Variants in RIPK3 observed in about 807,000 individuals in gnomAD.
RIPK3 encodes the protein receptor interacting serine/threonine kinase 3.
A neutral mutation model predicts 51.6 loss-of-function variants in RIPK3; 51 were observed. The ratio of observed to expected loss-of-function variants is 0.99; its 90% confidence interval spans 0.79 to 1.25. RIPK3 has a LOEUF of 1.25. RIPK3 is among the 50% of genes most tolerant of loss of function. The probability of loss-of-function intolerance (pLI) is 0.00; values close to 1 mark genes in which losing one functional copy is unlikely to be tolerated. For missense variants in RIPK3, 654 were observed against 650.4 expected, an observed-to-expected ratio of 1.01 and a Z score of -0.06; for synonymous variants, 246 against 257.7, an observed-to-expected ratio of 0.95 and a Z score of 0.44.
rs755408854 is a variant in RIPK3 at position 24,337,779 on chromosome 14, G to A, written c.833-17C>T. 12 of 1,613,944 alleles carry A rather than the reference G, an allele frequency of 7.4e-6. No individual in the cohort carries two copies. The highest frequency in any genetic ancestry group is 5.3e-5 in the African/African-American group (4 of 74,934). The stretch of plus-strand genomic sequence containing the variant: ...GTAGGCATTCTAGAGGGACAGCAGA[G>A]TGGAGTGCAGGTGAGCAAATCTTCT... On this transcript the variant is annotated splice_polypyrimidine_tract_variant and intron_variant, in intron 6 of 9. Transcript: ENST00000216274.
In RIPK3 at chr14:24,339,465, G is replaced by C. The variant is rs2042167923; in HGVS notation, c.153C>G (p.Ile51Met). 1 of 1,614,156 alleles carries C rather than the reference G, an allele frequency of 6.2e-7. No individual in the cohort carries two copies. ...CAACCGGGGTCACTCACGAGTTTAC[G>C]ATCTTGACCGCCACATCGTAGCCCC... is the stretch of plus-strand genomic sequence containing the variant. Reference protein sequence around the residue: ...RKWGYDVAVKIVNSKAISREV... With the variant: ...RKWGYDVAVKMVNSKAISREV... Residue 51 changes from isoleucine to methionine, a missense_variant, in exon 2 of 10, where the codon ATC becomes ATG. Coordinates refer to ENST00000216274, the MANE Select transcript of RIPK3 (RefSeq NM_006871.4). The surrounding 1 kb of genome is among the most constrained non-coding windows in gnomAD (Gnocchi z 4.0).
chr14:24,337,676 G>T lies in RIPK3; in HGVS notation c.900+19C>A. ...CCATCCCTGACCAGCTCCTGGGGAG[G>T]GGTGATGTTGGCACTCACCGTGGAG... On this transcript the variant is annotated intron_variant, in intron 7 of 9. Coordinates refer to ENST00000216274, the MANE Select transcript of RIPK3 (RefSeq NM_006871.4). 1 of 1,584,234 alleles carries T rather than the reference G, an allele frequency of 6.3e-7. No homozygotes were observed. The highest frequency in any genetic ancestry group is 1.1e-5 in the South Asian group (1 of 90,438).
At position 24,336,120 on chromosome 14, in the gene RIPK3, A is replaced by G; in HGVS notation, c.*55T>C. On this transcript the variant is annotated 3_prime_UTR_variant, in exon 10 of 10. Transcript: ENST00000216274. ...CCCTAGAAGGAAGTCAGGGGCCTCA[A>G]GGGGTGGCACTCTTCCTTAACTCGT... is the stretch of plus-strand genomic sequence containing the variant. 1 of 1,564,188 alleles carries G rather than the reference A, an allele frequency of 6.4e-7. No homozygotes were observed.
Position 24,339,077 on chromosome 14 carries a change from C to A in RIPK3, c.409G>T (p.Val137Leu), listed in dbSNP as rs139771138. Residue 137 changes from valine to leucine, a missense_variant, in exon 3 of 10, where the codon GTG (valine) becomes TTG (leucine). Val to Leu is a conservative substitution (Grantham distance 32). Coordinates refer to ENST00000216274, the MANE Select transcript of RIPK3 (RefSeq NM_006871.4). This position sits in a 1 kb window ranked among gnomAD's most constrained non-coding sequence, Gnocchi z 4.0. ...GGCTTGAGGTCCCGGTGCAGGAGCA[C>A]CGGGTTCTGGTCGTGCAGGTAAAAC... ...GMFYLHDQNP[V>L]LLHRDLKPSN... 6.2e-7 allele frequency: 1 copy of A among 1,614,152 alleles called. No homozygotes were observed. The highest frequency in any genetic ancestry group is 2.2e-5 in the East Asian group (1 of 44,864).
At position 24,336,320 on chromosome 14, in the gene RIPK3, G is replaced by T. The variant is rs1447795053; in HGVS notation, c.1412C>A (p.Thr471Lys). 4 of 1,613,328 alleles carry T rather than the reference G, an allele frequency of 2.5e-6. No individual in the cohort carries two copies. The highest frequency in any genetic ancestry group is 4.5e-5 in the East Asian group (2 of 44,890). ...CAAGCCCCATGTGGGCAAGGCAGTTGTCTGTTGCATAGTCAAGTAGTTGTT... is the reference window on the plus strand; with the variant it reads ...CAAGCCCCATGTGGGCAAGGCAGTTTTCTGTTGCATAGTCAAGTAGTTGTT... ...GDNNYLTMQQ[T>K]TALPTWGLAP... is the part of the protein sequence containing the mutation. Residue 471 changes from threonine (T) to lysine (K), a missense_variant, in exon 10 of 10, where the codon ACA (threonine) becomes AAA (lysine). Coordinates refer to ENST00000216274, the MANE Select transcript of RIPK3 (RefSeq NM_006871.4).
At chr14:24,336,575 G>T in intron 9 of RIPK3, 180 bp from the exon 10 acceptor site, 1 of 873,140 alleles carries the variant, frequency 1.1e-6, no homozygotes, top group Non-Finnish European at 1.7e-6. Flanking sequence ...AGTGGCAATT[G>T]ACATTTGAGA....
chr14:24,339,973 G>T lies in RIPK3; in HGVS notation c.-147C>A. ...GACCAAGACGGTGAGTCTACTTTCC[G>T]GGTTGTTACCCTTTTTCCGAGTTGA... On this transcript the variant is annotated 5_prime_UTR_variant, in exon 1 of 10. Coordinates refer to ENST00000216274, the MANE Select transcript of RIPK3 (RefSeq NM_006871.4). This position sits in a 1 kb window ranked among gnomAD's most constrained non-coding sequence, Gnocchi z 4.0. The T allele has an allele frequency of 1.2e-6, 1 of 814,120 alleles. No individual in the cohort carries two copies. The highest frequency in any genetic ancestry group is 1.8e-6 in the Non-Finnish European group (1 of 546,474). The allele number at this position is 814,120 out of a possible 1,614,324, so 50.4% of individuals were successfully genotyped here. A position where few individuals can be genotyped will look rare whatever the true frequency, so the allele number is the denominator to read the frequency against.
rs775727820 is a variant in RIPK3 at position 24,337,390 on chromosome 14, C to A, written c.971G>T (p.Gly324Val). ...RFSIPESGQG[G>V]TEMDGFRRTI... ...TCTCCTAAAGCCATCCATTTCTGTCCCTCCTTGGCCTGACTCTGGGATAGA... is the reference window on the plus strand; with the variant it reads ...TCTCCTAAAGCCATCCATTTCTGTCACTCCTTGGCCTGACTCTGGGATAGA... The change falls in exon 8 of 10, where the codon GGG becomes GTG. Residue 324 changes from glycine to valine, a missense_variant. Coordinates refer to ENST00000216274, the MANE Select transcript of RIPK3 (RefSeq NM_006871.4). 1 of 1,613,936 alleles carries A rather than the reference C, an allele frequency of 6.2e-7. No homozygotes were observed. Among genetic ancestry groups the A allele is most frequent in the Non-Finnish European group, 8.5e-7 (1 of 1,179,920 alleles).
Position 24,336,096 on chromosome 14 carries a change from C to G in RIPK3, c.*79G>C. 6.8e-7 allele frequency: 1 copy of G among 1,476,236 alleles called. No homozygotes were observed. Among genetic ancestry groups the G allele is most frequent in the East Asian group, 2.3e-5 (1 of 43,708 alleles). The allele number at this position is 1,476,236 out of a possible 1,614,324, so 91.4% of individuals were successfully genotyped here. A position where few individuals can be genotyped will look rare whatever the true frequency, so the allele number is the denominator to read the frequency against. ...TCAGTTTGTGGGCAGGCCAGACTGC[C>G]CTAGAAGGAAGTCAGGGGCCTCAAG... On this transcript the variant is annotated 3_prime_UTR_variant, in exon 10 of 10. Transcript: ENST00000216274.
Position 24,337,367 on chromosome 14 carries a change from T to A in RIPK3, c.994A>T (p.Arg332Ter). The change falls in exon 8 of 10, where the codon AGA (arginine) becomes TGA (stop). Residue 332 changes from arginine to a stop codon, truncating the protein, a stop_gained. Coordinates refer to ENST00000216274, the MANE Select transcript of RIPK3 (RefSeq NM_006871.4). LOFTEE classifies it high-confidence loss of function. ...CGAGAGTGCTGGTTTTCTATGGTTC[T>A]CCTAAAGCCATCCATTTCTGTCCCT... The part of the protein sequence containing the change: ...QGGTEMDGFR[R>*]TIENQHSRND... 6.2e-7 allele frequency: 1 copy of A among 1,613,976 alleles called. No homozygotes were observed. Among genetic ancestry groups the A allele is most frequent in the East Asian group, 2.2e-5 (1 of 44,886 alleles).
Position 24,336,060 on chromosome 14 carries a change from A to T in RIPK3, c.*115T>A. The T allele has an allele frequency of 1.0e-6, 1 of 1,003,410 alleles. No individual in the cohort carries two copies. Among genetic ancestry groups the T allele is most frequent in the Non-Finnish European group, 1.4e-6 (1 of 690,886 alleles). 62.2% of individuals were successfully genotyped at this position (1,003,410 alleles called of 1,614,324 possible). A position where few individuals can be genotyped will look rare whatever the true frequency, so the allele number is the denominator to read the frequency against. ...TCATGTTTATTGACTCCTGGGGGAC[A>T]GGTCACAAAGTCAGTTTGTGGGCAG... is the stretch of plus-strand genomic sequence containing the variant. On this transcript the variant is annotated 3_prime_UTR_variant, in exon 10 of 10. Transcript: ENST00000216274.
rs779011941 is a variant in RIPK3, at chr14:24,337,293, C to T, written c.1068G>A (p.Glu356=). 1 of 1,613,944 alleles carries T rather than the reference C, an allele frequency of 6.2e-7. No individual in the cohort carries two copies. The highest frequency in any genetic ancestry group is 8.5e-7 in the Non-Finnish European group (1 of 1,180,044). ...ATTTTTTAGGAACAGAGCTGGGAGG[C>T]TCCTCTAGATTCAGTTTGTTTAGCC... The part of the protein sequence containing the change: ...SEWLNKLNLE[E]PPSSVPKKCP... The change falls in exon 8 of 10, where the codon GAG becomes GAA. Residue 356 remains glutamate (E), a synonymous_variant. Coordinates refer to ENST00000216274, the MANE Select transcript of RIPK3 (RefSeq NM_006871.4).
chr14:24,338,693 G>T (rs751949929), intron 3 of RIPK3, 126 bp from the exon 4 acceptor site: 44 of 1,314,688 alleles, frequency 3.3e-5, no homozygotes, highest in Non-Finnish European at 4.6e-5. Flanking sequence ...CAAGGGAAGA[G>T]GTTCCCTTGG....
Position 24,339,959 on chromosome 14 carries a change from T to A in RIPK3, c.-133A>T. ...GGGGTCAGTCTCTAGACCAAGACGG[T>A]GAGTCTACTTTCCGGGTTGTTACCC... On this transcript the variant is annotated 5_prime_UTR_variant, in exon 1 of 10. Coordinates refer to ENST00000216274, the MANE Select transcript of RIPK3 (RefSeq NM_006871.4). This position sits in a 1 kb window ranked among gnomAD's most constrained non-coding sequence, Gnocchi z 4.0. 1 of 919,032 alleles carries A rather than the reference T, an allele frequency of 1.1e-6. No individual in the cohort carries two copies. The highest frequency in any genetic ancestry group is 1.6e-6 in the Non-Finnish European group (1 of 631,042). The allele number at this position is 919,032 out of a possible 1,614,324, so 56.9% of individuals were successfully genotyped here.
chr14:24,339,303 G>T lies in RIPK3; in HGVS notation c.183C>A (p.Val61=). Residue 61 remains valine (V), a synonymous_variant, in exon 3 of 10, where the codon GTC becomes GTA. Transcript: ENST00000216274. This position sits in a 1 kb window ranked among gnomAD's most constrained non-coding sequence, Gnocchi z 4.0. The part of the protein sequence containing the change: ...IVNSKAISRE[V]KAMASLDNEF... ...CGTTATCCAGACTTGCCATGGCCTT[G>T]ACCTCCCTGGATATCGCCTTCCTAC... 2.5e-6 allele frequency: 4 copies of T among 1,612,310 alleles called. No homozygotes were observed. The highest frequency in any genetic ancestry group is 2.5e-6 in the Non-Finnish European group (3 of 1,178,608).
At position 24,339,839 on chromosome 14, in the gene RIPK3, T is replaced by A; in HGVS notation, c.-13A>T. On this transcript the variant is annotated 5_prime_UTR_variant, in exon 1 of 10. Coordinates refer to ENST00000216274, the MANE Select transcript of RIPK3 (RefSeq NM_006871.4). The surrounding 1 kb of genome is among the most constrained non-coding windows in gnomAD (Gnocchi z 4.0). ...TGACGCACGACATCAGGCTGGAAGG[T>A]GCCAGGGGGCCTCTGGAAATTGCGA... The A allele has an allele frequency of 3.2e-6, 5 of 1,556,998 alleles. No individual in the cohort carries two copies. The highest frequency in any genetic ancestry group is 4.3e-6 in the Non-Finnish European group (5 of 1,156,306).
chr14:24,336,747 A>G (rs1254048158), intron 9 of RIPK3, 138 bp downstream of exon 9: 1 of 898,222 alleles, frequency 1.1e-6, no homozygotes, highest in East Asian at 2.4e-5. Context: ...CGGTTTTCCC[A>G]TTTATGAAAT....
rs3212253 is a variant in RIPK3 at position 24,339,718 on chromosome 14, C to T, written c.20+89G>A. On this transcript the variant is annotated intron_variant, in intron 1 of 9. Coordinates refer to ENST00000216274, the MANE Select transcript of RIPK3 (RefSeq NM_006871.4). The surrounding 1 kb of genome is among the most constrained non-coding windows in gnomAD (Gnocchi z 4.0). ...CTCCCTCGCCGGCCCCCACCGTCCCCGGACTCAAAGACGTTCTCTGAGCGA... is the reference window on the plus strand; with the variant it reads ...CTCCCTCGCCGGCCCCCACCGTCCCTGGACTCAAAGACGTTCTCTGAGCGA... 0.074 allele frequency: 115,727 copies of T among 1,574,504 alleles called. 7,251 individuals are homozygous for T. Among genetic ancestry groups the T allele is most frequent in the East Asian group, 0.29 (12,865 of 44,460 alleles).
Position 24,336,277 on chromosome 14 carries a change from C to A in RIPK3, c.1455G>T (p.Gly485=). The change falls in exon 10 of 10, where the codon GGG becomes GGT. Residue 485 remains glycine, a synonymous_variant. Coordinates refer to ENST00000216274, the MANE Select transcript of RIPK3 (RefSeq NM_006871.4). ...PTWGLAPSGK[G]RGLQHPPPVG... ...CTGGTGGGGGGTGCTGCAAGCCCCT[C>A]CCCTTGCCCGAAGGTGCCAAGCCCC... is the stretch of plus-strand genomic sequence containing the variant. 1 of 1,614,096 alleles carries A rather than the reference C, an allele frequency of 6.2e-7. No individual in the cohort carries two copies. The highest frequency in any genetic ancestry group is 8.5e-7 in the Non-Finnish European group (1 of 1,180,036).
Sources: gnomAD v4.1 joint callset for allele counts on GRCh38, gnomAD v4.1.1 for gene constraint, Gnocchi (gnomAD v3.1) non-coding constraint, MANE v1.5 for transcripts, NCBI Gene and HGNC (gene_info 2026-07-23, HGNC 2026-07-21) for gene names.